Variants in HSF2BP observed in about 807,000 individuals in gnomAD.
HSF2BP encodes the protein heat shock transcription factor 2 binding protein, also known as heat shock factor 2-binding protein.
Under a neutral mutation model 35.0 loss-of-function variants are expected in HSF2BP, and 35 were observed. The observed-to-expected ratio is 1.00, with a 90% CI of 0.76 to 1.32. The LOEUF (loss-of-function observed/expected upper bound fraction) is 1.32. Among genes scored for constraint, HSF2BP ranks in the 40% most tolerant of loss-of-function variants. HSF2BP has a pLI of 0.00. For synonymous variants in HSF2BP, 114 were observed against 117.4 expected, an observed-to-expected ratio of 0.97 and a Z score of 0.18; for missense variants, 326 against 321.7, an observed-to-expected ratio of 1.01 and a Z score of -0.10.
At chr21:43,619,303 C>A (rs567319105) in intron 6 of HSF2BP, among the ~76,000 whole-genome samples, 35 of 152,248 alleles carry the variant, frequency 2.3e-4, no homozygotes, top group African/African-American at 7.0e-4. Flanking sequence ...TAGTATATTA[C>A]AAATACCTCT....
chr21:43,640,183 C>T (rs756099372), intron 4 of HSF2BP, among the ~76,000 whole-genome samples: 1 of 152,120 alleles, frequency 6.6e-6, no homozygotes, highest in African/African-American at 2.4e-5. Flanking sequence ...TGCCTGTGGA[C>T]CTAGCTACTT....
At chr21:43,642,855 A>G (rs556843598) in intron 4 of HSF2BP, among the ~76,000 whole-genome samples, 1 of 130,592 alleles carries the variant, frequency 7.7e-6, no homozygotes, top group Non-Finnish European at 1.5e-5. Flanking sequence ...GCTGGAGTGC[A>G]GTGGCACGAT....
chr21:43,578,922 C>T (rs1423944500), intron 8 of HSF2BP, among the ~76,000 whole-genome samples: 16 of 151,798 alleles, frequency 1.1e-4, no homozygotes, highest in Non-Finnish European at 1.5e-5. Context: ...CCTTCCAGCC[C>T]GGCCAGGACC....
chr21:43,455,384 C>T, the HSF2BP span, among the ~76,000 whole-genome samples: 1 of 9,168 alleles, frequency 1.1e-4, no homozygotes, highest in Non-Finnish European at 1.8e-4. Context: ...CAGTGTCCCT[C>T]GGCAGAAGGA....
the HSF2BP span, among the ~76,000 whole-genome samples, chr21:43,467,966 A>ACACACACAC: frequency 1.5e-5 from 1 of 67,774 alleles, no homozygotes; most frequent in Non-Finnish European, 2.9e-5. Flanking sequence ...CACTTACACC[A>ACACACACAC]CACACACACC....
intron 8 of HSF2BP, among the ~76,000 whole-genome samples, chr21:43,581,109 G>A (rs1268453467): frequency 1.3e-5 from 2 of 152,190 alleles, no homozygotes; most frequent in African/African-American, 2.4e-5. Flanking sequence ...AAAGGCAGCC[G>A]GACGCAGTGG....
At chr21:43,584,982 A>ATTT (rs2081828807) in intron 8 of HSF2BP, among the ~76,000 whole-genome samples, 1 of 152,124 alleles carries the variant, frequency 6.6e-6, no homozygotes, top group Admixed American at 6.5e-5. Flanking sequence ...TGCTCTAGGT[A>ATTT]TAATTTTATT....
intron 8 of HSF2BP, among the ~76,000 whole-genome samples, chr21:43,578,890 A>G (rs1003856931): frequency 1.2e-4 from 18 of 152,190 alleles, no homozygotes; most frequent in Non-Finnish European, 2.1e-4. Flanking sequence ...GGCATGAGCC[A>G]GAAGAGAAGA....
At chr21:43,501,142 A>C in the HSF2BP span, among the ~76,000 whole-genome samples, 14 of 105,704 alleles carry the variant, frequency 1.3e-4, 4 homozygotes, top group African/African-American at 6.4e-4. Context: ...TGACTTTGGG[A>C]AACACACTTG....
chr21:43,582,268 AG>A (rs2081759630), intron 8 of HSF2BP, among the ~76,000 whole-genome samples: 1 of 34,682 alleles, frequency 2.9e-5, no homozygotes, highest in Non-Finnish European at 5.3e-5. Flanking sequence ...GTGCCTGCTG[AG>A]GGGGATGAAG....
intron 8 of HSF2BP, among the ~76,000 whole-genome samples, chr21:43,590,217 AG>A (rs1481355603): frequency 1.3e-4 from 20 of 152,374 alleles, no homozygotes; most frequent in Non-Finnish European, 1.5e-4. Flanking sequence ...ACATACAAAC[AG>A]ATATCATCAA....
chr21:43,587,405 C>T (rs1339623409), intron 8 of HSF2BP, among the ~76,000 whole-genome samples: 1 of 151,680 alleles, frequency 6.6e-6, no homozygotes, highest in Non-Finnish European at 1.5e-5. Flanking sequence ...GTAGCTTACG[C>T]CTATAATCCC....
intron 7 of HSF2BP, among the ~76,000 whole-genome samples, chr21:43,605,951 G>A (rs1326689387): frequency 1.3e-5 from 2 of 152,020 alleles, no homozygotes; most frequent in African/African-American, 2.4e-5. Context: ...CCTCTGACAC[G>A]TGAGAAGAAA....
chr21:43,655,459 C>T (rs2082854084), intron 3 of HSF2BP, among the ~76,000 whole-genome samples: 1 of 152,120 alleles, frequency 6.6e-6, no homozygotes, highest in Non-Finnish European at 1.5e-5. Flanking sequence ...CAGCGAGGTA[C>T]CCAGGGACTA....
At chr21:43,617,237 A>AT (rs2082282747) in intron 6 of HSF2BP, among the ~76,000 whole-genome samples, 1 of 151,898 alleles carries the variant, frequency 6.6e-6, no homozygotes, top group African/African-American at 2.4e-5. Flanking sequence ...GAAGAAAAAA[A>AT]ATATATATAT....
chr21:43,608,214 T>C (rs1399255457), intron 7 of HSF2BP, among the ~76,000 whole-genome samples: 2 of 151,432 alleles, frequency 1.3e-5, no homozygotes, highest in Non-Finnish European at 2.9e-5. Flanking sequence ...AAGTCTAATA[T>C]CCAGAATCTA....
intron 4 of HSF2BP, among the ~76,000 whole-genome samples, chr21:43,637,967 C>T (rs1398059939): frequency 1.3e-5 from 2 of 152,144 alleles, no homozygotes; most frequent in Non-Finnish European, 2.9e-5. Flanking sequence ...GCAAAGATAT[C>T]CACTCTCACC....
At chr21:43,607,531 T>C (rs2082150244) in intron 7 of HSF2BP, among the ~76,000 whole-genome samples, 1 of 152,208 alleles carries the variant, frequency 6.6e-6, no homozygotes, top group Non-Finnish European at 1.5e-5. Context: ...CAAAGCAATC[T>C]ACAGATTCAA....
intron 4 of HSF2BP, among the ~76,000 whole-genome samples, chr21:43,642,795 CTTTTTTTTTTT>C (rs869086487): frequency 1.1e-5 from 1 of 92,128 alleles, no homozygotes; most frequent in African/African-American, 4.3e-5. Flanking sequence ...GGCTTCTTTT[CTTTTTTTTTTT>C]TTTTTTTTTT....
Sources: gnomAD v4.1 joint callset for allele counts (sites outside exome capture counted in the v4.1 genomes callset) on GRCh38, gnomAD v4.1.1 for gene constraint, MANE v1.5 for transcripts, NCBI Gene and HGNC (gene_info 2026-07-23, HGNC 2026-07-21) for gene names.